The following TAX1BP3 variants were observed in gnomAD, a reference collection of about 807,000 sequenced individuals.
TAX1BP3 encodes Tax1 binding protein 3.
Under a neutral mutation model 15.3 loss-of-function variants are expected in TAX1BP3, and 13 were observed. The ratio of observed to expected loss-of-function variants is 0.85; its 90% CI spans 0.55 to 1.35. TAX1BP3 has a LOEUF of 1.35. TAX1BP3 is among the 40% of genes most tolerant of loss of function. TAX1BP3 has a pLI of 0.00. For missense variants in TAX1BP3, 147 were observed against 169.6 expected, an observed-to-expected ratio of 0.87 and a Z score of 0.74; for synonymous variants, 70 against 66.0, an observed-to-expected ratio of 1.06 and a Z score of -0.30.
chr17:3,666,416 G>A (rs2076339982), intron 1 of TAX1BP3, among the ~76,000 whole-genome samples: 1 of 152,086 alleles, frequency 6.6e-6, no homozygotes, highest in Non-Finnish European at 1.5e-5. Flanking sequence ...ACAGACTTAG[G>A]GACCACTCAT....
At position 3,668,386 on chromosome 17, in the gene TAX1BP3, C is replaced by T. The variant is rs891773336; in HGVS notation, c.39+102G>A. The T allele has an allele frequency of 6.4e-5, 91 of 1,429,938 alleles. No individual in the cohort carries two copies. Among genetic ancestry groups the T allele is most frequent in the Non-Finnish European group, 8.2e-5 (88 of 1,067,784 alleles). The allele number at this position is 1,429,938 out of a possible 1,614,324, so 88.6% of individuals were successfully genotyped here. ...AGCCCTTGCCGCCGGTTCGCAGGAG[C>T]CCCGGGTTCGATGCTCTGTCAACCT... On this transcript the variant is annotated intron_variant, in intron 1 of 3. Coordinates refer to ENST00000225525, the MANE Select transcript of TAX1BP3 (RefSeq NM_014604.4). This position sits in a 1 kb window ranked among gnomAD's most constrained non-coding sequence, Gnocchi z 4.1.
At chr17:3,665,901 C>A (rs1338237022) in intron 1 of TAX1BP3, among the ~76,000 whole-genome samples, 1 of 152,188 alleles carries the variant, frequency 6.6e-6, no homozygotes, top group Non-Finnish European at 1.5e-5. Flanking sequence ...AAGGCTGGGG[C>A]CAGATCCCGT....
intron 1 of TAX1BP3, chr17:3,665,158 T>C (rs538484713): frequency 5.1e-5 from 43 of 841,808 alleles, no homozygotes; most frequent in South Asian, 2.0e-4. Context: ...CAAACTTGCA[T>C]AGAAAGGAGA....
At chr17:3,665,269 G>A (rs560792780) in intron 1 of TAX1BP3, 9 of 1,384,438 alleles carry the variant, frequency 6.5e-6, no homozygotes, top group Non-Finnish European at 4.0e-6. Flanking sequence ...ATGTTCTCTA[G>A]GCCTTTTAGA....
chr17:3,665,098 C>A, intron 1 of TAX1BP3: 1 of 704,748 alleles, frequency 1.4e-6, no homozygotes, highest in South Asian at 1.6e-5. Flanking sequence ...GCTGTGGCTT[C>A]TGTAGGTGGG....
At position 3,668,521 on chromosome 17, in the gene TAX1BP3, G is replaced by A; in HGVS notation, c.6C>T (p.Ser2=). ...CGGTGACCGGCTGGCCCGGGATGTA[G>A]GACATCTCGACCCTGCTCTGGTCGC... M[S]YIPGQPVTAV... Residue 2 remains serine, a synonymous_variant, in exon 1 of 4, where the codon TCC becomes TCT. Transcript: ENST00000225525. This position sits in a 1 kb window ranked among gnomAD's most constrained non-coding sequence, Gnocchi z 4.1. 2 of 1,607,912 alleles carry A rather than the reference G, an allele frequency of 1.2e-6. No homozygotes were observed. Among genetic ancestry groups the A allele is most frequent in the Non-Finnish European group, 8.5e-7 (1 of 1,178,190 alleles).
chr17:3,664,523 C>G, intron 2 of TAX1BP3, 156 bp downstream of exon 2: 1 of 1,142,470 alleles, frequency 8.8e-7, no homozygotes. Flanking sequence ...TCACCCCACC[C>G]GTCCTTATTC....
chr17:3,664,396 A>G, intron 2 of TAX1BP3, 124 bp from the exon 3 acceptor site: 1 of 1,196,778 alleles, frequency 8.4e-7, no homozygotes, highest in South Asian at 1.3e-5. Context: ...CTCCCAGCAC[A>G]TATGGTCAGT....
At chr17:3,667,020 C>G (rs2076346770) in intron 1 of TAX1BP3, among the ~76,000 whole-genome samples, 1 of 152,118 alleles carries the variant, frequency 6.6e-6, no homozygotes, top group Non-Finnish European at 1.5e-5. Flanking sequence ...AAACCTGGTG[C>G]CTTCTCTCTG....
In TAX1BP3 at chr17:3,664,200, T is replaced by A; in HGVS notation, c.232A>T (p.Met78Leu). The stretch of plus-strand genomic sequence containing the variant: ...TCCTTTGGGACACCTGTTACCTGCA[T>A]GATCTTGTCTCCAATCTGCAGCCCA... ...IAGLQIGDKIMQVNGWDMTMV... is the reference protein window; with the variant it reads ...IAGLQIGDKILQVNGWDMTMV... The change falls in exon 3 of 4, where the codon ATG becomes TTG. Residue 78 changes from methionine (M) to leucine (L), a missense_variant. By Grantham distance (15) the Met-to-Leu change is conservative. Transcript: ENST00000225525. 6.2e-7 allele frequency: 1 copy of A among 1,614,148 alleles called. No homozygotes were observed. The highest frequency in any genetic ancestry group is 8.5e-7 in the Non-Finnish European group (1 of 1,180,030).
At chr17:3,666,025 C>T (rs1026880370) in intron 1 of TAX1BP3, among the ~76,000 whole-genome samples, 2 of 152,194 alleles carry the variant, frequency 1.3e-5, no homozygotes, top group African/African-American at 4.8e-5. Flanking sequence ...TGCTCTGGGG[C>T]TATGGTCCCC....
chr17:3,665,587 G>C, intron 1 of TAX1BP3: 2 of 1,364,912 alleles, frequency 1.5e-6, no homozygotes, highest in African/African-American at 1.4e-5. Context: ...AAAGAGAAAG[G>C]TACCTGGGTT....
At position 3,664,587 on chromosome 17, in the gene TAX1BP3, C is replaced by T. The variant is rs769380281; in HGVS notation, c.159+92G>A. 2.0e-6 allele frequency: 3 copies of T among 1,515,292 alleles called. No homozygotes were observed. In the South Asian group the frequency reaches 3.4e-5, roughly 17 times the overall value. 93.9% of individuals were successfully genotyped at this position (1,515,292 alleles called of 1,614,324 possible). On this transcript the variant is annotated intron_variant, in intron 2 of 3. Transcript: ENST00000225525. ...GAGAGCATGGTTTGAGAGATGAAGT[C>T]TGTTCCTTCCATGCAGGCCCAGGAA...
At chr17:3,663,921 C>A in intron 3 of TAX1BP3, 36 bp from the exon 4 acceptor site, 1 of 1,588,036 alleles carries the variant, frequency 6.3e-7, no homozygotes. Context: ...CACCTCAGCT[C>A]CCCGCCCTCT....
chr17:3,668,305 C>T lies in TAX1BP3; in HGVS notation c.39+183G>A, dbSNP rs188761943. On this transcript the variant is annotated intron_variant, in intron 1 of 3. Transcript: ENST00000225525. This position sits in a 1 kb window ranked among gnomAD's most constrained non-coding sequence, Gnocchi z 4.1. ...TCTCGGGAGGCTCTCGGGTCCCGGC[C>T]ATCCCTGTTTCGTGGCTGGGGGAAC... Among the ~76,000 whole-genome samples, 17 of 152,376 alleles carry T rather than the reference C, an allele frequency of 1.1e-4. No homozygotes were observed. The East Asian group carries it at 1.2e-3, about 10-fold the overall frequency.
intron 1 of TAX1BP3, chr17:3,665,571 G>A (rs2076331046): frequency 7.3e-7 from 1 of 1,373,022 alleles, no homozygotes; most frequent in East Asian, 2.3e-5. Flanking sequence ...GAAAAAGAAA[G>A]AAGCCAAAGA....
chr17:3,663,731 G>C lies in TAX1BP3; in HGVS notation c.*17C>G. 6.3e-7 allele frequency: 1 copy of C among 1,591,174 alleles called. No homozygotes were observed. Among genetic ancestry groups the C allele is most frequent in the Middle Eastern group, 1.9e-4 (1 of 5,192 alleles). On this transcript the variant is annotated 3_prime_UTR_variant, in exon 4 of 4. Transcript: ENST00000225525. ...TACAGAGAGGCGGCAGGCAGGAGTC[G>C]CAGATGGTGGTGGCTGCTAGGACAG...
chr17:3,667,427 TG>T (rs1483109769), intron 1 of TAX1BP3, among the ~76,000 whole-genome samples: 3 of 151,368 alleles, frequency 2.0e-5, no homozygotes, highest in Non-Finnish European at 4.4e-5. Context: ...TGTTTCCTCC[TG>T]GCCCAGGCCT....
At chr17:3,666,171 ACTAGAC>A (rs1567722378) in intron 1 of TAX1BP3, among the ~76,000 whole-genome samples, 3 of 152,198 alleles carry the variant, frequency 2.0e-5, no homozygotes, top group Non-Finnish European at 4.4e-5. Context: ...CACAATCTAG[ACTAGAC>A]CTAAAGAAGT....
Sources: allele counts gnomAD v4.1 joint callset (sites outside exome capture counted in the v4.1 genomes callset), GRCh38; gene constraint gnomAD v4.1.1; non-coding constraint Gnocchi (gnomAD v3.1); transcripts MANE v1.5; gene names NCBI Gene and HGNC (gene_info 2026-07-23, HGNC 2026-07-21).